The following ASTN2 variants were observed in gnomAD, a reference collection of about 807,000 sequenced individuals.
The protein encoded by ASTN2 is astrotactin 2, also known as astrotactin-2.
In ASTN2, 54 loss-of-function variants were observed where a neutral mutation model predicts 139.8. The observed-to-expected ratio is 0.39, with a 90% CI of 0.31 to 0.48. ASTN2 has a LOEUF of 0.48. ASTN2 is among the 20% of genes least tolerant of loss of function. The pLI is 0.95. For missense variants in ASTN2, 1,565 were observed against 1,725.1 expected (o/e 0.91, Z 1.64); for synonymous variants, 756 against 719.5 (o/e 1.05, Z -0.81).
chr9:117,300,225 C>T (rs1403137329), intron 1 of ASTN2, among the ~76,000 whole-genome samples: 1 of 152,202 alleles, frequency 6.6e-6, no homozygotes, highest in Non-Finnish European at 1.5e-5. Flanking sequence ...CTACTATCCT[C>T]ACAGACTTTC....
At chr9:116,535,556 G>A (rs1285839370) in intron 19 of ASTN2, among the ~76,000 whole-genome samples, 2 of 152,092 alleles carry the variant, frequency 1.3e-5, no homozygotes, top group Admixed American at 6.6e-5. Flanking sequence ...GCCTGGTGGT[G>A]ACAAAATCCC....
chr9:117,297,836 C>A (rs1834774372), intron 1 of ASTN2, among the ~76,000 whole-genome samples: 1 of 152,196 alleles, frequency 6.6e-6, no homozygotes, highest in Non-Finnish European at 1.5e-5. Flanking sequence ...AGGGTAATTT[C>A]CCAACCTCAT....
chr9:116,996,927 T>C (rs1837040843), intron 7 of ASTN2, among the ~76,000 whole-genome samples: 1 of 152,122 alleles, frequency 6.6e-6, no homozygotes, highest in Non-Finnish European at 1.5e-5. Flanking sequence ...AAATTAAATA[T>C]AGTCTCTAAT....
intron 13 of ASTN2, among the ~76,000 whole-genome samples, chr9:116,769,053 C>T (rs1333303856): frequency 6.6e-6 from 1 of 152,046 alleles, no homozygotes; most frequent in African/African-American, 2.4e-5. Flanking sequence ...ATACAGATTT[C>T]AAAAACAACA....
intron 19 of ASTN2, among the ~76,000 whole-genome samples, chr9:116,509,049 C>A (rs577908587): frequency 6.6e-6 from 1 of 151,996 alleles, no homozygotes; most frequent in Admixed American, 6.6e-5. Context: ...AGGGTACATG[C>A]GTACAACGTG....
At chr9:116,716,136 G>C (rs1482897867) in intron 16 of ASTN2, among the ~76,000 whole-genome samples, 1 of 152,180 alleles carries the variant, frequency 6.6e-6, no homozygotes, top group African/African-American at 2.4e-5. Context: ...CTGCATCTCT[G>C]TCTGGGACTG....
chr9:116,851,785 T>C (rs1832615697), intron 11 of ASTN2, among the ~76,000 whole-genome samples: 1 of 152,160 alleles, frequency 6.6e-6, no homozygotes. Context: ...GAGAACCTCA[T>C]CTTCTCCCTA....
At chr9:117,014,548 T>C (rs1189492186) in intron 6 of ASTN2, among the ~76,000 whole-genome samples, 1 of 152,162 alleles carries the variant, frequency 6.6e-6, no homozygotes, top group East Asian at 1.9e-4. Flanking sequence ...TCTTTCCTTT[T>C]GCCTTGGATC....
intron 10 of ASTN2, among the ~76,000 whole-genome samples, chr9:116,916,114 T>C (rs7043621): frequency 0.97 from 147,756 of 152,276 alleles, 71,848 homozygotes; most frequent in East Asian, 1. Flanking sequence ...TCCCTACATT[T>C]GGTGTTGGAA....
chr9:116,508,804 A>C (rs1260491588), intron 19 of ASTN2, among the ~76,000 whole-genome samples: 1 of 152,160 alleles, frequency 6.6e-6, no homozygotes, highest in Non-Finnish European at 1.5e-5. Context: ...ACAAGACAAA[A>C]GGATAATTAG....
At chr9:116,868,164 G>A (rs1014619056) in intron 10 of ASTN2, among the ~76,000 whole-genome samples, 4 of 152,168 alleles carry the variant, frequency 2.6e-5, no homozygotes, top group African/African-American at 7.2e-5. Flanking sequence ...CATTATTTAG[G>A]ATTTCCTGGG....
chr9:116,800,493 C>T (rs1326698990), intron 13 of ASTN2, among the ~76,000 whole-genome samples: 1 of 152,144 alleles, frequency 6.6e-6, no homozygotes, highest in African/African-American at 2.4e-5. Context: ...AGCCTACATG[C>T]AGTGACCTGA....
intron 11 of ASTN2, among the ~76,000 whole-genome samples, chr9:116,849,313 G>A (rs142416926): frequency 6.6e-6 from 1 of 152,044 alleles, no homozygotes; most frequent in African/African-American, 2.4e-5. Flanking sequence ...AGAGGTTGGG[G>A]GTGGGGCTAA....
chr9:116,505,492 G>T (rs1850070793), intron 19 of ASTN2, among the ~76,000 whole-genome samples: 1 of 152,076 alleles, frequency 6.6e-6, no homozygotes, highest in Admixed American at 6.6e-5. Flanking sequence ...ACCACCTTTG[G>T]ATTCCAATAA....
intron 1 of ASTN2, among the ~76,000 whole-genome samples, chr9:117,313,833 A>G (rs1042691107): frequency 2.0e-5 from 3 of 152,208 alleles, no homozygotes; most frequent in African/African-American, 4.8e-5. Flanking sequence ...TGAAAAAGCT[A>G]TAGAAAGCCT....
At position 117,278,190 on chromosome 9, in the gene ASTN2, T is replaced by C. The variant is rs548783136; in HGVS notation, c.630+13136A>G. Among the ~76,000 whole-genome samples the C allele has an allele frequency of 3.3e-5, 5 of 152,342 alleles. No individual in the cohort carries two copies. The South Asian group carries it at 1.0e-3, about 32-fold the overall frequency. On this transcript the variant is annotated intron_variant, in intron 2 of 22. Coordinates refer to ENST00000313400, the MANE Select transcript of ASTN2 (RefSeq NM_001365068.1). Reference sequence around the variant, plus strand: ...ATTGAATTAATGGAAGAATTATTGCTTCTGAAATCCACTCCAGTCCTATTG... The same window carrying C: ...ATTGAATTAATGGAAGAATTATTGCCTCTGAAATCCACTCCAGTCCTATTG...
intron 1 of ASTN2, among the ~76,000 whole-genome samples, chr9:117,344,426 C>T (rs1829154383): frequency 6.6e-6 from 1 of 152,110 alleles, no homozygotes; most frequent in Admixed American, 6.6e-5. Context: ...TTCATTCATT[C>T]CCAGGACCCT....
At chr9:117,026,500 C>CA (rs1838088593) in intron 6 of ASTN2, among the ~76,000 whole-genome samples, 1 of 152,118 alleles carries the variant, frequency 6.6e-6, no homozygotes. Context: ...TGGCAGATGC[C>CA]ACATCATCTT....
chr9:117,205,477 T>C lies in ASTN2; in HGVS notation c.1015+8881A>G, dbSNP rs1337912603. 2.0e-5 allele frequency among the ~76,000 whole-genome samples: 3 copies of C among 152,226 alleles called. No homozygotes were observed. The East Asian group carries it at 5.8e-4, about 29-fold the overall frequency. On this transcript the variant is annotated intron_variant, in intron 3 of 22. Coordinates refer to ENST00000313400, the MANE Select transcript of ASTN2 (RefSeq NM_001365068.1). ...TTCCCAAGATCACACTATAAGTAAATGGGACAAGATTTGAACCCAGGTCCA... is the reference window on the plus strand; with the variant it reads ...TTCCCAAGATCACACTATAAGTAAACGGGACAAGATTTGAACCCAGGTCCA...
Sources: gnomAD v4.1 joint callset for allele counts (sites outside exome capture counted in the v4.1 genomes callset) on GRCh38, gnomAD v4.1.1 for gene constraint, MANE v1.5 for transcripts, NCBI Gene and HGNC (gene_info 2026-07-23, HGNC 2026-07-21) for gene names.